The following PPP4R3B variants were observed in gnomAD, a reference collection of about 807,000 sequenced individuals.
PPP4R3B encodes the protein serine/threonine-protein phosphatase 4 regulatory subunit 3B.
Under a neutral mutation model 95.4 loss-of-function variants are expected in PPP4R3B, and 52 were observed. The ratio of observed to expected loss-of-function variants is 0.54; its 90% CI spans 0.44 to 0.69. PPP4R3B has a LOEUF of 0.69. Ranked by LOEUF, PPP4R3B falls within the 30% of genes least tolerant of loss-of-function variation. The pLI is 0.00. For missense variants in PPP4R3B, 1,003 were observed against 1,005.9 expected, an observed-to-expected ratio of 1.00 and a Z score of 0.04; for synonymous variants, 407 against 343.9, an observed-to-expected ratio of 1.18 and a Z score of -2.03.
rs1691910655 is a variant in PPP4R3B, at chr2:55,597,220, C to G, written c.921+1196G>C. On this transcript the variant is annotated intron_variant, in intron 4 of 16. Transcript: ENST00000616407. The stretch of plus-strand genomic sequence containing the variant: ...TGTTGAAACTGGCCGGGCACAGTGA[C>G]TCATGCCTGTAATCCAAGCACTTTG... 2.0e-5 allele frequency among the ~76,000 whole-genome samples: 3 copies of G among 152,146 alleles called. No homozygotes were observed. In the South Asian group the frequency reaches 6.2e-4, roughly 31 times the overall value.
intron 16 of PPP4R3B, among the ~76,000 whole-genome samples, chr2:55,553,729 A>G (rs1042473845): frequency 1.3e-5 from 2 of 152,064 alleles, no homozygotes; most frequent in Non-Finnish European, 2.9e-5. Flanking sequence ...TGACTGGTTT[A>G]CTTCAATTAC....
At chr2:55,607,399 T>C (rs1408234471) in intron 2 of PPP4R3B, among the ~76,000 whole-genome samples, 3 of 152,240 alleles carry the variant, frequency 2.0e-5, no homozygotes, top group Non-Finnish European at 4.4e-5. Flanking sequence ...CAAACGGCTA[T>C]AAATCAGGCT....
At chr2:55,608,165 G>A (rs1047801769) in intron 2 of PPP4R3B, among the ~76,000 whole-genome samples, 3 of 151,970 alleles carry the variant, frequency 2.0e-5, no homozygotes, top group African/African-American at 4.8e-5. Context: ...CCACCACACC[G>A]GATTAATTTT....
At chr2:55,561,504 C>G (rs568532323) in intron 15 of PPP4R3B, among the ~76,000 whole-genome samples, 8 of 152,222 alleles carry the variant, frequency 5.3e-5, no homozygotes, top group Non-Finnish European at 1.0e-4. Flanking sequence ...CACCATGCAC[C>G]TGGAAAAGCC....
intron 12 of PPP4R3B, among the ~76,000 whole-genome samples, chr2:55,573,283 T>G (rs946180894): frequency 2.6e-5 from 4 of 152,140 alleles, no homozygotes; most frequent in African/African-American, 9.7e-5. Flanking sequence ...GATGCAAATA[T>G]CAGGATAATT....
Position 55,588,882 on chromosome 2 carries a change from T to C in PPP4R3B, c.996A>G (p.Glu332=), listed in dbSNP as rs1044659175. The part of the protein sequence containing the change: ...DEATDDDKRR[E]LVNFFKEFCA... ...GAGTTTGAATTTCATAACTTACCAATTCACGCCGTTTATCATCATCTGTAG... is the reference window on the plus strand; with the variant it reads ...GAGTTTGAATTTCATAACTTACCAACTCACGCCGTTTATCATCATCTGTAG... Residue 332 remains glutamate, a synonymous_variant, in exon 5 of 17, where the codon GAA becomes GAG. Coordinates refer to ENST00000616407, the MANE Select transcript of PPP4R3B (RefSeq NM_001122964.3). 2 of 1,604,882 alleles carry C rather than the reference T, an allele frequency of 1.2e-6. No homozygotes were observed.
intron 2 of PPP4R3B, among the ~76,000 whole-genome samples, chr2:55,610,802 A>C (rs1694057559): frequency 6.6e-6 from 1 of 151,670 alleles, no homozygotes; most frequent in African/African-American, 2.4e-5. Flanking sequence ...TAAAACTGCA[A>C]TGAGGATTTT....
chr2:55,585,356 T>C (rs1212977515), intron 6 of PPP4R3B, among the ~76,000 whole-genome samples, 189 bp from the exon 7 acceptor site: 1 of 152,208 alleles, frequency 6.6e-6, no homozygotes, highest in Non-Finnish European at 1.5e-5. Context: ...TTTCAGGCAA[T>C]TCAATGATTA....
intron 2 of PPP4R3B, chr2:55,615,241 C>G: frequency 2.0e-6 from 1 of 509,900 alleles, no homozygotes; most frequent in Non-Finnish European, 3.5e-6. Context: ...TTAGAATAAA[C>G]CGACAGTGGC....
At chr2:55,561,377 G>T (rs2103888603) in intron 15 of PPP4R3B, among the ~76,000 whole-genome samples, 1 of 152,344 alleles carries the variant, frequency 6.6e-6, no homozygotes, top group South Asian at 2.1e-4. Context: ...AGTGCGGAAG[G>T]GAAATGTGAG....
chr2:55,564,777 T>A lies in PPP4R3B; in HGVS notation c.2075+125A>T. 5 of 1,140,184 alleles carry A rather than the reference T, an allele frequency of 4.4e-6. No homozygotes were observed. The South Asian group carries it at 5.7e-5, about 13-fold the overall frequency. 70.6% of individuals were successfully genotyped at this position (1,140,184 alleles called of 1,614,324 possible). ...GTAGGGGGGACGCCTTACCCTCCTA[T>A]TCAACTCTATGCTATCCAGTGATGG... On this transcript the variant is annotated intron_variant, in intron 14 of 16. Coordinates refer to ENST00000616407, the MANE Select transcript of PPP4R3B (RefSeq NM_001122964.3).
chr2:55,589,579 G>C (rs1476548379), intron 4 of PPP4R3B, among the ~76,000 whole-genome samples: 1 of 152,250 alleles, frequency 6.6e-6, no homozygotes, highest in Middle Eastern at 3.4e-3. Flanking sequence ...AGAAAGACAA[G>C]TGCTAATTTC....
chr2:55,559,064 C>T, intron 15 of PPP4R3B, 96 bp from the exon 16 acceptor site: 3 of 1,000,068 alleles, frequency 3.0e-6, no homozygotes, highest in Admixed American at 5.4e-5. Context: ...TAAAACATTG[C>T]TGCCCGGGCA....
chr2:55,579,847 A>T (rs938645431), intron 8 of PPP4R3B, 66 bp from the exon 9 acceptor site: 3 of 956,626 alleles, frequency 3.1e-6, no homozygotes, highest in Non-Finnish European at 4.7e-6. Flanking sequence ...CAAGATTAGC[A>T]GTACATACCT....
intron 5 of PPP4R3B, 116 bp downstream of exon 5, chr2:55,588,763 T>C (rs914131682): frequency 4.1e-5 from 24 of 583,846 alleles, no homozygotes; most frequent in Non-Finnish European, 3.0e-6. Flanking sequence ...ATACATACTT[T>C]TCATCTCTTA....
At chr2:55,613,887 G>A (rs73940301) in intron 2 of PPP4R3B, among the ~76,000 whole-genome samples, 1,746 of 151,984 alleles carry the variant, frequency 0.011, 25 homozygotes, top group African/African-American at 0.038. Flanking sequence ...TGATCATCTG[G>A]TAAAAACTCG....
intron 9 of PPP4R3B, 51 bp from the exon 10 acceptor site, chr2:55,578,393 T>C: frequency 7.9e-7 from 1 of 1,266,358 alleles, no homozygotes; most frequent in Non-Finnish European, 1.0e-6. Context: ...AGGGAGTATA[T>C]GAGTGTCTGT....
intron 4 of PPP4R3B, among the ~76,000 whole-genome samples, chr2:55,593,824 G>A (rs1250898339): frequency 6.6e-6 from 1 of 151,576 alleles, no homozygotes; most frequent in African/African-American, 2.4e-5. Context: ...CATACCCAAA[G>A]GAAAAAAAAG....
chr2:55,604,271 G>C (rs1262170794), intron 2 of PPP4R3B, among the ~76,000 whole-genome samples, 195 bp from the exon 3 acceptor site: 1 of 152,100 alleles, frequency 6.6e-6, no homozygotes, highest in African/African-American at 2.4e-5. Flanking sequence ...AAATGACTGA[G>C]CAATTTTTTA....
Sources: gnomAD v4.1 joint callset for allele counts (sites outside exome capture counted in the v4.1 genomes callset) on GRCh38, gnomAD v4.1.1 for gene constraint, MANE v1.5 for transcripts, NCBI Gene and HGNC (gene_info 2026-07-23, HGNC 2026-07-21) for gene names.